The following PCDHA9 variants were observed in gnomAD, a reference collection of about 807,000 sequenced individuals.
PCDHA9 encodes the protein protocadherin alpha-9.
Under a neutral mutation model 62.0 loss-of-function variants are expected in PCDHA9, and 62 were observed. The observed-to-expected ratio is 1.00, with a 90% CI of 0.81 to 1.23. PCDHA9 has a LOEUF of 1.23. Ranked by LOEUF, PCDHA9 falls within the 50% of genes most tolerant of loss-of-function variation. The probability of loss-of-function intolerance (pLI) is 0.00; values close to 1 mark genes in which losing one functional copy is unlikely to be tolerated. For missense variants in PCDHA9, 1,205 were observed against 1,249.8 expected, an observed-to-expected ratio of 0.96 and a Z score of 0.54; for synonymous variants, 557 against 567.6, an observed-to-expected ratio of 0.98 and a Z score of 0.27.
intron 1 of PCDHA9, chr5:140,968,110 G>A: frequency 1.2e-6 from 2 of 1,614,172 alleles, no homozygotes; most frequent in Non-Finnish European, 1.7e-6. Context: ...GAATACCGCA[G>A]CTCACATCCC....
chr5:140,883,306 C>T (rs2059544095), intron 1 of PCDHA9: 2 of 1,614,050 alleles, frequency 1.2e-6, no homozygotes, highest in Non-Finnish European at 8.5e-7. Context: ...TAAATGATAA[C>T]GCCCCAGAGG....
At chr5:140,966,528 G>T (rs567098369) in intron 1 of PCDHA9, 235 of 446,634 alleles carry the variant, frequency 5.3e-4, no homozygotes, top group Non-Finnish European at 7.8e-4. Context: ...AGCCGAGCCG[G>T]GTTGAGCGAC....
At chr5:140,871,639 A>T in intron 1 of PCDHA9, 1 of 1,347,750 alleles carries the variant, frequency 7.4e-7, no homozygotes, top group East Asian at 2.5e-5. Context: ...CTGTTCATAA[A>T]ATACCAAATG....
intron 1 of PCDHA9, among the ~76,000 whole-genome samples, chr5:140,960,218 A>G (rs2095532618): frequency 6.6e-6 from 1 of 152,206 alleles, no homozygotes; most frequent in Non-Finnish European, 1.5e-5. Flanking sequence ...CAGGATCTCA[A>G]GAAACAGAGC....
intron 1 of PCDHA9, among the ~76,000 whole-genome samples, chr5:140,872,165 CT>C (rs781807025): frequency 1.6e-3 from 233 of 143,900 alleles, no homozygotes; most frequent in Middle Eastern, 3.6e-3. Context: ...ATTTACTTTT[CT>C]TTTTTTTTTT....
chr5:140,926,819 C>T, intron 1 of PCDHA9: 1 of 1,493,950 alleles, frequency 6.7e-7, no homozygotes. Context: ...CTCGTGCTCT[C>T]CAGGAGTCCG....
At chr5:140,934,729 T>G (rs2090016432) in intron 1 of PCDHA9, among the ~76,000 whole-genome samples, 1 of 152,164 alleles carries the variant, frequency 6.6e-6, no homozygotes, top group Non-Finnish European at 1.5e-5. Context: ...CAAGGCCTTT[T>G]TTAGGTGTCA....
chr5:140,875,553 G>A (rs1447542979), intron 1 of PCDHA9: 4 of 1,614,000 alleles, frequency 2.5e-6, no homozygotes, highest in African/African-American at 2.7e-5. Flanking sequence ...GGGAGGTGGG[G>A]AGCGGCCAGC....
At chr5:140,911,607 T>C (rs1309017145) in intron 1 of PCDHA9, among the ~76,000 whole-genome samples, 1 of 152,222 alleles carries the variant, frequency 6.6e-6, no homozygotes, top group African/African-American at 2.4e-5. Context: ...CTTCATTATG[T>C]TCCTTAGTTC....
At chr5:140,872,883 A>G (rs1249618014) in intron 1 of PCDHA9, among the ~76,000 whole-genome samples, 1 of 152,204 alleles carries the variant, frequency 6.6e-6, no homozygotes, top group Non-Finnish European at 1.5e-5. Flanking sequence ...AGTTTCATTC[A>G]TCTCACTTTG....
chr5:140,987,453 A>C (rs2097255093), intron 3 of PCDHA9, among the ~76,000 whole-genome samples: 1 of 152,106 alleles, frequency 6.6e-6, no homozygotes, highest in South Asian at 2.1e-4. Context: ...CCGAGAGATA[A>C]TTGTTAAGAG....
Position 140,850,399 on chromosome 5 carries a change from G to C in PCDHA9, c.1904G>C (p.Arg635Pro). 6.3e-7 allele frequency: 1 copy of C among 1,597,978 alleles called. No individual in the cohort carries two copies. Among genetic ancestry groups the C allele is most frequent in the Non-Finnish European group, 8.6e-7 (1 of 1,167,730 alleles). The change falls in exon 1 of 4, where the codon CGT becomes CCT. Residue 635 changes from arginine (R) to proline (P), a missense_variant. This residue lies in a region of PCDHA9 where 887 missense variants were observed against 809.5 expected (regional missense o/e 1.10). Transcript: ENST00000532602. The stretch of plus-strand genomic sequence containing the variant: ...TACACGGGCGAGATCAGCACAACGC[G>C]TGCCCTGGACGAAACGGACGCACCG... ...GLYTGEISTT[R>P]ALDETDAPRQ...
In PCDHA9 at chr5:140,850,617, T is replaced by A; in HGVS notation, c.2122T>A (p.Ser708Thr). 3 of 1,598,492 alleles carry A rather than the reference T, an allele frequency of 1.9e-6. No homozygotes were observed. The highest frequency in any genetic ancestry group is 2.7e-5 in the African/African-American group (2 of 74,448). ...CCTGATCATCGCCATCTGCGCGGTGTCTAGCCTGTTGGTTCTCACGCTGCT... is the reference window on the plus strand; with the variant it reads ...CCTGATCATCGCCATCTGCGCGGTGACTAGCCTGTTGGTTCTCACGCTGCT... ...VYLIIAICAV[S>T]SLLVLTLLLY... Residue 708 changes from serine (S) to threonine (T), a missense_variant, in exon 1 of 4, where the codon TCT becomes ACT. Ser to Thr is a moderately conservative substitution (Grantham distance 58). Coordinates refer to ENST00000532602, the MANE Select transcript of PCDHA9 (RefSeq NM_031857.2).
chr5:140,966,918 A>T, intron 1 of PCDHA9: 1 of 1,602,744 alleles, frequency 6.2e-7, no homozygotes. Flanking sequence ...GTGCCAGAGG[A>T]GCAGGCACCC....
intron 1 of PCDHA9, chr5:140,927,374 ACAGCCTAAGCCCCAGT>A: frequency 6.2e-7 from 1 of 1,614,100 alleles, no homozygotes; most frequent in Non-Finnish European, 8.5e-7. Flanking sequence ...ATACTAAGCT[ACAGCCTAAGCCCCAGT>A]CAGCACTTTC....
chr5:140,853,643 T>C, intron 1 of PCDHA9: 2 of 988,768 alleles, frequency 2.0e-6, no homozygotes, highest in Non-Finnish European at 2.4e-6. Flanking sequence ...AGACCTAAAT[T>C]GAGCCTGTTC....
intron 3 of PCDHA9, among the ~76,000 whole-genome samples, chr5:141,000,216 T>C (rs665221): frequency 1.3e-5 from 2 of 151,640 alleles, no homozygotes; most frequent in East Asian, 1.9e-4. Flanking sequence ...CATTATCAAA[T>C]GCCTGTGTGG....
At chr5:140,875,888 A>G (rs782107591) in intron 1 of PCDHA9, 3 of 1,614,076 alleles carry the variant, frequency 1.9e-6, no homozygotes, top group Non-Finnish European at 2.5e-6. Context: ...AGGGAACAAA[A>G]GGTACCTGTT....
In PCDHA9 at chr5:140,850,134, A is replaced by C. The variant is rs2150469280; in HGVS notation, c.1639A>C (p.Ser547Arg). 12 of 1,595,730 alleles carry C rather than the reference A, an allele frequency of 7.5e-6. 1 individual carries two copies. The highest frequency in any genetic ancestry group is 1.0e-5 in the Non-Finnish European group (12 of 1,167,876). The change falls in exon 1 of 4, where the codon AGC becomes CGC. Residue 547 changes from serine to arginine, a missense_variant. Physicochemically the swap from Ser to Arg is moderately radical, Grantham distance 110 (BLOSUM62 -1). Around this residue, in one of 3 missense-constraint regions of PCDHA9, gnomAD observed 887 missense variants for 809.5 expected, o/e 1.10. Transcript: ENST00000532602. ...CGACGCGGGCGTGCCGCCTCTGGGC[A>C]GCAACGTGACGCTGCAGGTGTTCGT... The part of the protein sequence containing the change: ...ARDAGVPPLG[S>R]NVTLQVFVLD...
Sources: allele counts gnomAD v4.1 joint callset (sites outside exome capture counted in the v4.1 genomes callset), GRCh38; gene constraint gnomAD v4.1.1; regional missense constraint gnomAD v4.1.1; transcripts MANE v1.5; gene names NCBI Gene and HGNC (gene_info 2026-07-23, HGNC 2026-07-21).